Variants in SRRM4 observed in about 807,000 individuals in gnomAD.
The protein encoded by SRRM4 is serine/arginine repetitive matrix protein 4.
SRRM4 carries 33 observed loss-of-function variants against 68.9 expected under a neutral mutation model. The ratio of observed to expected loss-of-function variants is 0.48; its 90% confidence interval spans 0.36 to 0.64. SRRM4 has a LOEUF of 0.64. Ranked by LOEUF, SRRM4 falls within the 30% of genes least tolerant of loss-of-function variation. The pLI is 0.00. For missense variants in SRRM4, 817 were observed against 827.1 expected, an observed-to-expected ratio of 0.99 and a Z score of 0.15; for synonymous variants, 318 against 318.8, an observed-to-expected ratio of 1.00 and a Z score of 0.03.
intron 1 of SRRM4, among the ~76,000 whole-genome samples, chr12:119,050,402 C>T (rs1437291200): frequency 6.6e-6 from 1 of 152,174 alleles, no homozygotes; most frequent in Non-Finnish European, 1.5e-5. Context: ...TTTCAAGGGC[C>T]TCTTGGGGAT....
At chr12:119,048,033 G>C (rs1037052074) in intron 1 of SRRM4, among the ~76,000 whole-genome samples, 1 of 152,244 alleles carries the variant, frequency 6.6e-6, no homozygotes, top group East Asian at 1.9e-4. Flanking sequence ...TCTGCCTTCT[G>C]TGTGCATGTT....
In SRRM4 at chr12:119,083,997, C is replaced by A. The variant is rs146307887; in HGVS notation, c.132-18239C>A. 1.4e-3 allele frequency among the ~76,000 whole-genome samples: 220 copies of A among 152,284 alleles called. 5 individuals carry two copies. In the East Asian group the frequency reaches 0.037, roughly 26 times the overall value. On this transcript the variant is annotated intron_variant, in intron 1 of 12. Transcript: ENST00000267260. The stretch of plus-strand genomic sequence containing the variant: ...AGCATCACTGAGCTATTGCCATAAG[C>A]CATGCACATTACAAAGTGCATCACC...
chr12:119,033,204 T>C lies in SRRM4; in HGVS notation c.131+51191T>C, dbSNP rs375026847. ...CTAAAACTTAGGGCAAATAATATAA[T>C]GTATGCTTCCTTACAGATCCATGAG... is the stretch of plus-strand genomic sequence containing the variant. On this transcript the variant is annotated intron_variant, in intron 1 of 12. Transcript: ENST00000267260. Among the ~76,000 whole-genome samples, 9 of 152,350 alleles carry C rather than the reference T, an allele frequency of 5.9e-5. No individual in the cohort carries two copies. The East Asian group carries it at 9.6e-4, about 16-fold the overall frequency.
In SRRM4 at chr12:119,004,733, T is replaced by C. The variant is rs927245633; in HGVS notation, c.131+22720T>C. On this transcript the variant is annotated intron_variant, in intron 1 of 12. Coordinates refer to ENST00000267260, the MANE Select transcript of SRRM4 (RefSeq NM_194286.4). ...TTCTCTCCTCTCGGCTCCCCCAGAC[T>C]CAGAAAAGAGGACAAGCACTGAGAA... is the stretch of plus-strand genomic sequence containing the variant. Among the ~76,000 whole-genome samples the C allele has an allele frequency of 4.6e-5, 7 of 151,916 alleles. No individual in the cohort carries two copies. The South Asian group carries it at 1.5e-3, about 32-fold the overall frequency.
In SRRM4 at chr12:119,087,557, C is replaced by T. The variant is rs115825358; in HGVS notation, c.132-14679C>T. Among the ~76,000 whole-genome samples the T allele has an allele frequency of 2.7e-3, 407 of 152,026 alleles. 4 individuals carry two copies. Among genetic ancestry groups the T allele is most frequent in the African/African-American group, 9.2e-3 (383 of 41,490 alleles). On this transcript the variant is annotated intron_variant, in intron 1 of 12. Transcript: ENST00000267260. ...TGAGGTTTCATGGTCCCCAGAAACG[C>T]GCTGGAGGGAATATTGGTCGATGGG...
At chr12:119,060,927 T>A (rs954214158) in intron 1 of SRRM4, among the ~76,000 whole-genome samples, 3 of 152,140 alleles carry the variant, frequency 2.0e-5, no homozygotes, top group African/African-American at 7.2e-5. Context: ...CTAGTTTGCT[T>A]TAAGAATGTA....
At chr12:118,996,495 C>T (rs1414846207) in intron 1 of SRRM4, among the ~76,000 whole-genome samples, 12 of 152,148 alleles carry the variant, frequency 7.9e-5, no homozygotes, top group Non-Finnish European at 1.5e-5. Flanking sequence ...GACTAGAAAG[C>T]AGGGCAGGAG....
intron 1 of SRRM4, among the ~76,000 whole-genome samples, chr12:119,072,764 G>C (rs560677140): frequency 1.3e-5 from 2 of 152,130 alleles, no homozygotes; most frequent in African/African-American, 4.8e-5. Flanking sequence ...CTACTAACTA[G>C]CTTGTTTTTG....
chr12:119,112,762 T>C (rs1954152658), intron 2 of SRRM4, among the ~76,000 whole-genome samples: 1 of 152,028 alleles, frequency 6.6e-6, no homozygotes. Flanking sequence ...TGAGAACACA[T>C]GGACACAGGA....
intron 1 of SRRM4, among the ~76,000 whole-genome samples, chr12:119,024,919 G>T (rs1318705934): frequency 6.6e-6 from 1 of 152,194 alleles, no homozygotes; most frequent in Non-Finnish European, 1.5e-5. Flanking sequence ...AGCGCTCACT[G>T]TGTGCCAGGG....
intron 8 of SRRM4, among the ~76,000 whole-genome samples, chr12:119,133,966 G>T (rs61938054): frequency 6.6e-6 from 1 of 151,990 alleles, no homozygotes; most frequent in Middle Eastern, 3.4e-3. Flanking sequence ...GGGCAGAGAA[G>T]GTAACAATTA....
intron 8 of SRRM4, among the ~76,000 whole-genome samples, chr12:119,139,293 C>T (rs1954349966): frequency 1.3e-5 from 2 of 152,198 alleles, no homozygotes; most frequent in South Asian, 4.1e-4. Flanking sequence ...CAGATGCTCA[C>T]AACTCTAATG....
At chr12:119,125,851 A>G (rs1259599086) in intron 7 of SRRM4, among the ~76,000 whole-genome samples, 1 of 149,586 alleles carries the variant, frequency 6.7e-6, no homozygotes, top group African/African-American at 2.5e-5. Context: ...AACCCAGGAG[A>G]TGGTGGTTGT....
chr12:119,120,085 A>G (rs1360433744), intron 4 of SRRM4, among the ~76,000 whole-genome samples, 165 bp from the exon 5 acceptor site: 1 of 150,534 alleles, frequency 6.6e-6, no homozygotes, highest in Non-Finnish European at 1.5e-5. Flanking sequence ...AAACTCACCT[A>G]TATTTACGTT....
At chr12:119,101,632 C>A (rs1004878911) in intron 1 of SRRM4, among the ~76,000 whole-genome samples, 9 of 152,042 alleles carry the variant, frequency 5.9e-5, no homozygotes, top group Non-Finnish European at 2.9e-5. Context: ...GAAGAAACTG[C>A]AACTCAGAGA....
intron 2 of SRRM4, among the ~76,000 whole-genome samples, chr12:119,111,920 C>G (rs934952807): frequency 2.0e-5 from 3 of 152,192 alleles, no homozygotes; most frequent in African/African-American, 7.2e-5. Context: ...GTGGCGGGGG[C>G]CTGTAGTCCC....
intron 1 of SRRM4, among the ~76,000 whole-genome samples, chr12:119,055,464 C>T (rs1953770867): frequency 6.6e-6 from 1 of 152,156 alleles, no homozygotes; most frequent in Non-Finnish European, 1.5e-5. Context: ...GTGGCAAGTA[C>T]CACTCTCAAA....
intron 8 of SRRM4, among the ~76,000 whole-genome samples, chr12:119,131,416 C>T (rs115359583): frequency 0.017 from 2,660 of 152,272 alleles, 80 homozygotes; most frequent in African/African-American, 0.062. Flanking sequence ...TCTCACTAGT[C>T]CCTTCTACAG....
chr12:119,104,282 T>C (rs1239780301), intron 2 of SRRM4, among the ~76,000 whole-genome samples: 1 of 152,062 alleles, frequency 6.6e-6, no homozygotes, highest in Non-Finnish European at 1.5e-5. Flanking sequence ...AGATTCTGGT[T>C]ATGAAAATCT....
Sources: gnomAD v4.1 joint callset for allele counts (sites outside exome capture counted in the v4.1 genomes callset) on GRCh38, gnomAD v4.1.1 for gene constraint, MANE v1.5 for transcripts, NCBI Gene and HGNC (gene_info 2026-07-23, HGNC 2026-07-21) for gene names.